ELMO1: variants seen among roughly 807,000 people sequenced by gnomAD.
ELMO1 encodes the protein engulfment and cell motility 1, also known as engulfment and cell motility protein 1.
A neutral mutation model predicts 98.9 loss-of-function variants in ELMO1; 26 were observed. The observed-to-expected ratio is 0.26, with a 90% CI of 0.19 to 0.36. The LOEUF is 0.36. ELMO1 is among the 10% of genes least tolerant of loss of function. The pLI, the probability that ELMO1 is intolerant of heterozygous loss-of-function variation, is 1.00. For synonymous variants in ELMO1, 346 were observed against 346.0 expected (o/e 1.00, Z 0.00); for missense variants, 627 against 935.2 (o/e 0.67, Z 4.30).
At chr7:37,249,359 A>G (rs1367571890) in intron 6 of ELMO1, among the ~76,000 whole-genome samples, 2 of 152,206 alleles carry the variant, frequency 1.3e-5, no homozygotes, top group Non-Finnish European at 2.9e-5. Flanking sequence ...CAGAGTGGGG[A>G]GGAACTAATA....
chr7:37,031,446 A>C (rs1299230554), intron 15 of ELMO1, among the ~76,000 whole-genome samples: 1 of 152,164 alleles, frequency 6.6e-6, no homozygotes, highest in African/African-American at 2.4e-5. Flanking sequence ...GACTTAATAC[A>C]TGCTTTTCCC....
chr7:37,061,468 G>A (rs1057003555), intron 15 of ELMO1, among the ~76,000 whole-genome samples: 2 of 152,148 alleles, frequency 1.3e-5, no homozygotes, highest in Non-Finnish European at 1.5e-5. Context: ...TCCCATGGTG[G>A]TAGCACTTAC....
chr7:37,148,679 G>A (rs549890729), intron 13 of ELMO1, among the ~76,000 whole-genome samples: 1 of 152,142 alleles, frequency 6.6e-6, no homozygotes, highest in Admixed American at 6.6e-5. Flanking sequence ...TATTGTCAAG[G>A]TTTATAAAGA....
At chr7:37,089,856 C>T (rs1408695925) in intron 15 of ELMO1, among the ~76,000 whole-genome samples, 1 of 152,120 alleles carries the variant, frequency 6.6e-6, no homozygotes, top group Non-Finnish European at 1.5e-5. Context: ...ATCCTGTGGT[C>T]ATATAACATA....
Position 36,929,368 on chromosome 7 carries a change from T to C in ELMO1, c.1438-34351A>G, listed in dbSNP as rs562654926. 1.5e-4 allele frequency among the ~76,000 whole-genome samples: 23 copies of C among 152,332 alleles called. 1 individual carries two copies. Among genetic ancestry groups the C allele is most frequent in the African/African-American group, 5.5e-4 (23 of 41,558 alleles). On this transcript the variant is annotated intron_variant, in intron 16 of 21. Transcript: ENST00000310758. ...TCCTGCCTCTCAAATCTGAGTTTTC[T>C]GATGGAGTGCACACCAAAGCATTGG...
chr7:36,982,597 G>A (rs1791160858), intron 16 of ELMO1, among the ~76,000 whole-genome samples: 1 of 152,088 alleles, frequency 6.6e-6, no homozygotes, highest in Admixed American at 6.6e-5. Context: ...TATAATACTA[G>A]AAAGTGCATA....
intron 16 of ELMO1, among the ~76,000 whole-genome samples, chr7:36,901,003 T>G (rs1184042855): frequency 6.6e-6 from 1 of 151,288 alleles, no homozygotes; most frequent in Non-Finnish European, 1.5e-5. Context: ...GGGATCGCTT[T>G]GGGGCTACAC....
At chr7:37,059,577 T>G (rs1254942266) in intron 15 of ELMO1, among the ~76,000 whole-genome samples, 3 of 148,782 alleles carry the variant, frequency 2.0e-5, no homozygotes, top group African/African-American at 7.3e-5. Context: ...TTCACTGTTA[T>G]GTTAATCATT....
At chr7:36,876,181 G>A (rs529599204) in intron 19 of ELMO1, among the ~76,000 whole-genome samples, 1 of 152,278 alleles carries the variant, frequency 6.6e-6, no homozygotes, top group Non-Finnish European at 1.5e-5. Context: ...AGTTCACAAG[G>A]GAGTTTACAC....
At chr7:37,245,082 T>A (rs1467400283) in intron 6 of ELMO1, among the ~76,000 whole-genome samples, 2 of 151,970 alleles carry the variant, frequency 1.3e-5, no homozygotes, top group Non-Finnish European at 2.9e-5. Flanking sequence ...TTAAGTATGA[T>A]CTTCCCTCTT....
intron 16 of ELMO1, among the ~76,000 whole-genome samples, chr7:36,913,344 G>A (rs1448768980): frequency 6.6e-6 from 1 of 152,124 alleles, no homozygotes; most frequent in African/African-American, 2.4e-5. Flanking sequence ...GTTAGATGGG[G>A]GAATAGAATG....
At chr7:37,132,741 CTT>C (rs1313284946) in intron 14 of ELMO1, among the ~76,000 whole-genome samples, 1 of 152,130 alleles carries the variant, frequency 6.6e-6, no homozygotes, top group Non-Finnish European at 1.5e-5. Context: ...CCATTTTTCT[CTT>C]TGTTTCTGTT....
intron 2 of ELMO1, among the ~76,000 whole-genome samples, chr7:37,327,617 T>C (rs976122463): frequency 7.2e-5 from 11 of 152,352 alleles, no homozygotes; most frequent in Non-Finnish European, 1.0e-4. Context: ...TTTTTATTTT[T>C]TTCTTGTACT....
intron 1 of ELMO1, among the ~76,000 whole-genome samples, chr7:37,397,564 C>A (rs1803350454): frequency 6.6e-6 from 1 of 152,212 alleles, no homozygotes; most frequent in Non-Finnish European, 1.5e-5. Context: ...CTCTGTGCAC[C>A]TCAGTTTCCT....
At position 37,371,856 on chromosome 7, in the gene ELMO1, T is replaced by TTTCC. The variant is rs1802128759; in HGVS notation, c.-73-29097_-73-29094dup. Among the ~76,000 whole-genome samples, 3 of 152,308 alleles carry TTTCC rather than the reference T, an allele frequency of 2.0e-5. No homozygotes were observed. In the South Asian group the frequency reaches 6.2e-4, roughly 32 times the overall value. ...CTGATGAGTTGCGAAGAGCAGCCGA[T>TTTCC]TTCCGTTGCTTGAGGTGTGATTATT... On this transcript the variant is annotated intron_variant, in intron 1 of 21. Coordinates refer to ENST00000310758, the MANE Select transcript of ELMO1 (RefSeq NM_014800.11).
intron 2 of ELMO1, among the ~76,000 whole-genome samples, chr7:37,323,298 C>G (rs761484620): frequency 2.6e-5 from 4 of 152,164 alleles, no homozygotes; most frequent in Admixed American, 6.5e-5. Flanking sequence ...TATCTTAACT[C>G]TTTTTCTCTA....
At chr7:37,133,083 C>A in intron 14 of ELMO1, 47 bp downstream of exon 14, 2 of 1,444,464 alleles carry the variant, frequency 1.4e-6, no homozygotes, top group East Asian at 2.4e-5. Flanking sequence ...TTGAAATTAA[C>A]ATTGAGTAGG....
chr7:37,390,801 G>A (rs1022251123), intron 1 of ELMO1, among the ~76,000 whole-genome samples: 2 of 152,192 alleles, frequency 1.3e-5, no homozygotes, highest in African/African-American at 4.8e-5. Flanking sequence ...TGAGGGCCAT[G>A]AGCTTATCAG....
chr7:36,984,459 C>T (rs79937754), intron 16 of ELMO1, among the ~76,000 whole-genome samples: 3,335 of 152,264 alleles, frequency 0.022, 119 homozygotes, highest in African/African-American at 0.076. Flanking sequence ...TCCCAGACAC[C>T]CAGTCGCCCT....
Sources: allele counts gnomAD v4.1 joint callset (sites outside exome capture counted in the v4.1 genomes callset), GRCh38; gene constraint gnomAD v4.1.1; transcripts MANE v1.5; gene names NCBI Gene and HGNC (gene_info 2026-07-23, HGNC 2026-07-21).